The following PREX1 variants were observed in gnomAD, a reference collection of about 807,000 sequenced individuals.
PREX1 encodes phosphatidylinositol 3,4,5-trisphosphate-dependent Rac exchanger 1 protein.
In PREX1, 41 loss-of-function variants were observed where a neutral mutation model predicts 198.3. The ratio of observed to expected loss-of-function variants is 0.21; its 90% confidence interval spans 0.16 to 0.27. The LOEUF (loss-of-function observed/expected upper bound fraction) is 0.27. Among genes scored for constraint, PREX1 ranks in the 10% least tolerant of loss-of-function variants. The pLI, the probability that PREX1 is intolerant of heterozygous loss-of-function variation, is 1.00. For missense variants in PREX1, 1,620 were observed against 2,200.7 expected (o/e 0.74, Z 5.28); for synonymous variants, 843 against 887.2 (o/e 0.95, Z 0.89).
At chr20:48,731,541 C>T (rs1282471535) in intron 4 of PREX1, among the ~76,000 whole-genome samples, 1 of 152,222 alleles carries the variant, frequency 6.6e-6, no homozygotes, top group Non-Finnish European at 1.5e-5. Context: ...TAAATCATCC[C>T]CATTTTACAG....
intron 1 of PREX1, among the ~76,000 whole-genome samples, chr20:48,813,042 G>A (rs765599276): frequency 1.3e-5 from 2 of 152,248 alleles, no homozygotes; most frequent in Middle Eastern, 3.4e-3. Context: ...CGTGGTGGGC[G>A]TCCTAGGGAG....
At chr20:48,654,210 G>A (rs898195491) in intron 19 of PREX1, among the ~76,000 whole-genome samples, 1 of 152,234 alleles carries the variant, frequency 6.6e-6, no homozygotes, top group Admixed American at 6.5e-5. Flanking sequence ...TAATCCCTAC[G>A]CTGAGGGTCG....
At chr20:48,887,305 G>C in the PREX1 span, among the ~76,000 whole-genome samples, 2 of 152,162 alleles carry the variant, frequency 1.3e-5, no homozygotes, top group African/African-American at 4.8e-5. Flanking sequence ...AGGAGCAGTG[G>C]GTCACACCTG....
chr20:48,629,449 C>T lies in PREX1; in HGVS notation c.4766G>A (p.Arg1589Lys), dbSNP rs116290892. Residue 1589 changes from arginine to lysine, a missense_variant and splice_region_variant, in exon 37 of 40, where the codon AGG becomes AAG. Arg to Lys is a conservative substitution (Grantham distance 26). Coordinates refer to ENST00000371941, the MANE Select transcript of PREX1 (RefSeq NM_020820.4). ...CCCGACTCAGCGGGCAGCAGCTCAC[C>T]TCTGCATGCCTGTGCCACACATGAC... ...QMVMCGTGMQ[R>K]STLSVSLEQA... 511 of 1,612,846 alleles carry T rather than the reference C, an allele frequency of 3.2e-4. 2 individuals carry two copies. In the African/African-American group the frequency reaches 6.2e-3, roughly 20 times the overall value.
At chr20:48,828,721 C>T (rs2090525428), upstream of PREX1, among the ~76,000 whole-genome samples, 1 of 152,206 alleles carries the variant, frequency 6.6e-6, no homozygotes. Flanking sequence ...ACTTCTTTGC[C>T]CCCTGACCCT....
At chr20:48,793,066 A>G (rs1180474067) in intron 1 of PREX1, among the ~76,000 whole-genome samples, 2 of 152,076 alleles carry the variant, frequency 1.3e-5, no homozygotes, top group African/African-American at 4.8e-5. Context: ...TTAGCCTGAC[A>G]TGGTGGTATG....
chr20:48,686,798 C>T (rs1012196613), intron 10 of PREX1, among the ~76,000 whole-genome samples: 2 of 152,228 alleles, frequency 1.3e-5, no homozygotes, highest in African/African-American at 4.8e-5. Flanking sequence ...TGGCGCCCTG[C>T]AGGTTTGAAC....
chr20:48,651,851 G>A (rs567814863), intron 21 of PREX1, among the ~76,000 whole-genome samples: 2 of 152,356 alleles, frequency 1.3e-5, no homozygotes, highest in African/African-American at 4.8e-5. Flanking sequence ...TCATCTGGGG[G>A]AATAGCCCCT....
intron 7 of PREX1, among the ~76,000 whole-genome samples, chr20:48,698,525 G>A (rs2089858674): frequency 6.6e-6 from 1 of 152,126 alleles, no homozygotes. Context: ...AAGGAGGCAG[G>A]GAAAGAGAAG....
At chr20:48,708,837 G>A (rs2089916395) in intron 5 of PREX1, among the ~76,000 whole-genome samples, 1 of 152,184 alleles carries the variant, frequency 6.6e-6, no homozygotes, top group South Asian at 2.1e-4. Flanking sequence ...GAGGCAGTGT[G>A]TCTGGGGTGG....
At chr20:48,687,568 C>A (rs2089792493) in intron 10 of PREX1, among the ~76,000 whole-genome samples, 1 of 152,212 alleles carries the variant, frequency 6.6e-6, no homozygotes, top group Non-Finnish European at 1.5e-5. Context: ...TAGGCCTCTG[C>A]AAAGGCTTTA....
intron 1 of PREX1, among the ~76,000 whole-genome samples, chr20:48,772,129 G>A (rs931835205): frequency 2.6e-5 from 4 of 152,142 alleles, no homozygotes; most frequent in Non-Finnish European, 5.9e-5. Context: ...GGGAGGCGGA[G>A]GTTGCTGTGA....
At chr20:48,875,639 G>A in the PREX1 span, among the ~76,000 whole-genome samples, 6 of 152,302 alleles carry the variant, frequency 3.9e-5, no homozygotes, top group African/African-American at 1.2e-4. Context: ...TCTCAAAAGC[G>A]TGTTTCAAAT....
chr20:48,875,593 G>A, the PREX1 span, among the ~76,000 whole-genome samples: 2 of 152,188 alleles, frequency 1.3e-5, no homozygotes, highest in South Asian at 4.1e-4. Context: ...GACTCTGGAG[G>A]GGACTGAATC....
chr20:48,647,676 G>A (rs1370584750), intron 25 of PREX1, among the ~76,000 whole-genome samples: 1 of 152,194 alleles, frequency 6.6e-6, no homozygotes, highest in African/African-American at 2.4e-5. Flanking sequence ...GAGTGGTTAA[G>A]TGACTTGCCT....
intron 1 of PREX1, among the ~76,000 whole-genome samples, chr20:48,767,231 C>T (rs987644279): frequency 6.6e-6 from 1 of 152,232 alleles, no homozygotes; most frequent in African/African-American, 2.4e-5. Context: ...TCCAGCCAGA[C>T]CAGTGACAAC....
At chr20:48,829,378 T>C (rs6019445), upstream of PREX1, among the ~76,000 whole-genome samples, 4,365 of 152,310 alleles carry the variant, frequency 0.029, 218 homozygotes, top group African/African-American at 0.1. Flanking sequence ...GCTTATTTAT[T>C]CCTGTTCCAA....
At chr20:48,651,325 C>A in intron 22 of PREX1, 71 bp downstream of exon 22, 1 of 1,518,878 alleles carries the variant, frequency 6.6e-7, no homozygotes. Context: ...ACTCCTTCTC[C>A]CAACCTTTGA....
intron 29 of PREX1, among the ~76,000 whole-genome samples, chr20:48,641,476 A>G (rs949845325): frequency 1.3e-5 from 2 of 152,136 alleles, no homozygotes; most frequent in African/African-American, 4.8e-5. Context: ...TAAGAAAAAA[A>G]TGAGTATGGT....
Sources: allele counts gnomAD v4.1 joint callset (sites outside exome capture counted in the v4.1 genomes callset), GRCh38; gene constraint gnomAD v4.1.1; transcripts MANE v1.5; gene names NCBI Gene and HGNC (gene_info 2026-07-23, HGNC 2026-07-21).